The following MTERF4 variants were observed in gnomAD, a reference collection of about 807,000 sequenced individuals.
The protein encoded by MTERF4 is mitochondrial transcription termination factor 4.
Under a neutral mutation model 22.5 loss-of-function variants are expected in MTERF4, and 17 were observed. The observed-to-expected ratio is 0.75, with a 90% confidence interval of 0.52 to 1.13. The LOEUF is 1.13. Among genes scored for constraint, MTERF4 ranks in the 50% most tolerant of loss-of-function variants. The pLI, the probability that MTERF4 is intolerant of heterozygous loss-of-function variation, is 0.00. For synonymous variants in MTERF4, 165 were observed against 175.3 expected, an observed-to-expected ratio of 0.94 and a Z score of 0.47; for missense variants, 420 against 466.8, an observed-to-expected ratio of 0.90 and a Z score of 0.92.
chr2:241,096,012 C>T lies in MTERF4; in HGVS notation c.1132G>A (p.Asp378Asn), dbSNP rs368982953. 62 of 1,613,756 alleles carry T rather than the reference C, an allele frequency of 3.8e-5. No individual in the cohort carries two copies. Among genetic ancestry groups the T allele is most frequent in the Non-Finnish European group, 5.0e-5 (59 of 1,179,856 alleles). Residue 378 changes from aspartate (D) to asparagine (N), a missense_variant, in exon 4 of 4, where the codon GAC becomes AAC. Physicochemically the swap from Asp to Asn is conservative, Grantham distance 23. Coordinates refer to ENST00000391980, the MANE Select transcript of MTERF4 (RefSeq NM_182501.4). This position sits in a 1 kb window ranked among gnomAD's most constrained non-coding sequence, Gnocchi z 5.1. ...AEDNDEDEDD[D>N]EEE Reference sequence around the variant, plus strand: ...TTCCATCACAGCTATTCCTCCTCGTCGTCGTCCTCATCCTCATCATTGTCC... The same window carrying T: ...TTCCATCACAGCTATTCCTCCTCGTTGTCGTCCTCATCCTCATCATTGTCC...
At chr2:241,049,163 G>A in the MTERF4 span, 28 of 1,574,008 alleles carry the variant, frequency 1.8e-5, no homozygotes, top group Middle Eastern at 1.7e-4. Context: ...GAGCCTGCTG[G>A]GCCGGGGGCC....
At chr2:241,089,998 G>A (rs1367960349), downstream of MTERF4, 35 of 1,549,196 alleles carry the variant, frequency 2.3e-5, no homozygotes, top group East Asian at 2.2e-4. Context: ...GGCGCTTAGC[G>A]TAGCTGGAAT....
At chr2:241,044,885 G>A in the MTERF4 span, among the ~76,000 whole-genome samples, 5 of 152,148 alleles carry the variant, frequency 3.3e-5, no homozygotes, top group African/African-American at 1.2e-4. Context: ...AAGCCGCAGC[G>A]TTTTTGCCAG....
At chr2:241,064,006 C>T in the MTERF4 span, 26 of 1,547,468 alleles carry the variant, frequency 1.7e-5, no homozygotes, top group Non-Finnish European at 2.3e-5. This position sits in a 1 kb window ranked among gnomAD's most constrained non-coding sequence, Gnocchi z 7.0. Context: ...TCTGGGTGTT[C>T]TCCAGAGGTG....
downstream of MTERF4, among the ~76,000 whole-genome samples, chr2:241,071,132 G>A (rs1228841808): frequency 1.3e-5 from 2 of 152,196 alleles, no homozygotes; most frequent in African/African-American, 2.4e-5. Flanking sequence ...CTGTTAGGGT[G>A]ACAGATGCAC....
chr2:241,093,395 T>C (rs2064171132), downstream of MTERF4: 1 of 152,696 alleles, frequency 6.5e-6, no homozygotes, highest in Non-Finnish European at 1.5e-5. Flanking sequence ...TTCTACTCCC[T>C]ACTAGGACCT....
At chr2:241,046,740 C>A in the MTERF4 span, among the ~76,000 whole-genome samples, 2 of 152,146 alleles carry the variant, frequency 1.3e-5, no homozygotes, top group Non-Finnish European at 2.9e-5. Flanking sequence ...TTAAACAAAT[C>A]TATATATGTG....
At chr2:241,055,037 A>G in the MTERF4 span, among the ~76,000 whole-genome samples, 1 of 152,204 alleles carries the variant, frequency 6.6e-6, no homozygotes, top group African/African-American at 2.4e-5. Flanking sequence ...GAATCGCTTG[A>G]GCCTGGGAGG....
chr2:241,049,987 G>C, the MTERF4 span: 3 of 1,318,462 alleles, frequency 2.3e-6, no homozygotes, highest in South Asian at 3.5e-5. Flanking sequence ...GAGCGCCCGC[G>C]GTCCGCCGTC....
the MTERF4 span, among the ~76,000 whole-genome samples, chr2:241,056,737 C>T: frequency 7.9e-5 from 12 of 151,992 alleles, no homozygotes; most frequent in East Asian, 9.7e-4. Flanking sequence ...CCCATCACCA[C>T]GCCCGGCTAA....
At chr2:241,088,228 G>T, downstream of MTERF4, 1 of 706,268 alleles carries the variant, frequency 1.4e-6, no homozygotes. Flanking sequence ...GCGGTGTCTG[G>T]ACTAATGGTG....
downstream of MTERF4, chr2:241,082,312 T>C (rs777469887): frequency 7.4e-6 from 12 of 1,613,428 alleles, no homozygotes; most frequent in Non-Finnish European, 1.0e-5. Flanking sequence ...CACAAGGCTG[T>C]TCTCCGAGAC....
At chr2:241,067,428 C>T (rs986082204), downstream of MTERF4, among the ~76,000 whole-genome samples, 2 of 152,218 alleles carry the variant, frequency 1.3e-5, no homozygotes, top group Non-Finnish European at 2.9e-5. Flanking sequence ...AGGGGAGGTC[C>T]GGGTTACTCA....
chr2:241,100,094 A>G lies in MTERF4; in HGVS notation c.22-200T>C, dbSNP rs115813636. 1,185 of 590,856 alleles carry G rather than the reference A, an allele frequency of 2.0e-3. 10 individuals carry two copies. The African/African-American group carries it at 0.02, about 10-fold the overall frequency. The allele number at this position is 590,856 out of a possible 1,614,324, so 36.6% of individuals were successfully genotyped here. On this transcript the variant is annotated intron_variant, in intron 1 of 3. Transcript: ENST00000391980. ...AGAACAGGGTATTTCAAGGCCACAG[A>G]GATGGGAGTCAAGCAGGTACAATAT...
At chr2:241,069,824 A>G, downstream of MTERF4, 1 of 1,408,054 alleles carries the variant, frequency 7.1e-7, no homozygotes, top group South Asian at 1.3e-5. This position sits in a 1 kb window ranked among gnomAD's most constrained non-coding sequence, Gnocchi z 4.9. Context: ...GGCTTCCAGC[A>G]AGGCTGCGGC....
At chr2:241,102,287 T>TGGCAGCAGTTACGGCGCC (rs2064751575), upstream of MTERF4, 2 of 1,548,600 alleles carry the variant, frequency 1.3e-6, no homozygotes, top group Admixed American at 2.0e-5. Flanking sequence ...GCGGAGAAGA[T>TGGCAGCAGTTACGGCGCC]GGCAGCAGTT....
chr2:241,058,281 A>C, the MTERF4 span, among the ~76,000 whole-genome samples: 1 of 152,186 alleles, frequency 6.6e-6, no homozygotes, highest in Non-Finnish European at 1.5e-5. Flanking sequence ...CAATAATCTC[A>C]ATATATATAA....
At chr2:241,085,682 T>C (rs2063536924), downstream of MTERF4, among the ~76,000 whole-genome samples, 1 of 151,750 alleles carries the variant, frequency 6.6e-6, no homozygotes, top group South Asian at 2.1e-4. Context: ...GTAAGTTTTA[T>C]GTTACTGACG....
chr2:241,083,100 G>T (rs1559311484), downstream of MTERF4, among the ~76,000 whole-genome samples: 6 of 152,228 alleles, frequency 3.9e-5, no homozygotes, highest in Admixed American at 3.9e-4. Flanking sequence ...GGTGTGGCAG[G>T]TGGTGAGTGC....
Sources: gnomAD v4.1 joint callset for allele counts (sites outside exome capture counted in the v4.1 genomes callset) on GRCh38, gnomAD v4.1.1 for gene constraint, Gnocchi (gnomAD v3.1) non-coding constraint, MANE v1.5 for transcripts, NCBI Gene and HGNC (gene_info 2026-07-23, HGNC 2026-07-21) for gene names.